The following PALM2AKAP2 variants were observed in gnomAD, a reference collection of about 807,000 sequenced individuals.
PALM2AKAP2 encodes the protein PALM2-AKAP2 fusion protein.
In PALM2AKAP2, 37 loss-of-function variants were observed where a neutral mutation model predicts 71.5. That is an observed-to-expected ratio of 0.52 (90% confidence interval 0.40 to 0.68). PALM2AKAP2 has a LOEUF of 0.68. PALM2AKAP2 is among the 30% of genes least tolerant of loss of function. The pLI is 0.00. For synonymous variants in PALM2AKAP2, 468 were observed against 478.8 expected, an observed-to-expected ratio of 0.98 and a Z score of 0.29; for missense variants, 1,224 against 1,191.8, an observed-to-expected ratio of 1.03 and a Z score of -0.40.
intron 7 of PALM2AKAP2, among the ~76,000 whole-genome samples, chr9:110,037,106 C>T (rs892580101): frequency 1.3e-5 from 2 of 151,284 alleles, no homozygotes; most frequent in Non-Finnish European, 2.9e-5. Flanking sequence ...TCTTCTCTTG[C>T]TTATTGTTTT....
chr9:109,934,209 C>T (rs1433521899), intron 6 of PALM2AKAP2, among the ~76,000 whole-genome samples: 1 of 152,128 alleles, frequency 6.6e-6, no homozygotes, highest in Non-Finnish European at 1.5e-5. Flanking sequence ...GTCCTCAAAC[C>T]CTGGTCACAC....
chr9:109,856,423 C>T lies in PALM2AKAP2; in HGVS notation c.46-11068C>T, dbSNP rs192049113. On this transcript the variant is annotated intron_variant, in intron 1 of 9. Coordinates refer to the PALM2AKAP2 transcript ENST00000302798. ...ATAGTAAAATCTCTAAGATACATCACGAAGTGAAGAAAGTAAGCTGAAGGG... is the reference window on the plus strand; with the variant it reads ...ATAGTAAAATCTCTAAGATACATCATGAAGTGAAGAAAGTAAGCTGAAGGG... Among the ~76,000 whole-genome samples, 220 of 152,242 alleles carry T rather than the reference C, an allele frequency of 1.4e-3. 1 individual carries two copies. The highest frequency in any genetic ancestry group is 6.0e-3 in the Admixed American group (91 of 15,286).
At chr9:109,826,244 T>C (rs1828147094) in intron 1 of PALM2AKAP2, among the ~76,000 whole-genome samples, 1 of 152,048 alleles carries the variant, frequency 6.6e-6, no homozygotes, top group African/African-American at 2.4e-5. Flanking sequence ...AGGGATAGCA[T>C]TAGGAGATAT....
chr9:109,718,305 C>T (rs1828358076), intron 1 of PALM2AKAP2, among the ~76,000 whole-genome samples: 1 of 152,144 alleles, frequency 6.6e-6, no homozygotes, highest in Non-Finnish European at 1.5e-5. Context: ...GTCTCCAACT[C>T]CTGAGCTCAA....
chr9:109,994,656 G>A (rs1021473386), intron 6 of PALM2AKAP2, among the ~76,000 whole-genome samples: 3 of 151,992 alleles, frequency 2.0e-5, no homozygotes, highest in Non-Finnish European at 4.4e-5. Flanking sequence ...CTACTCCCCC[G>A]TCCTGCATCA....
intron 3 of PALM2AKAP2, among the ~76,000 whole-genome samples, chr9:109,917,753 C>T (rs981668560): frequency 6.6e-6 from 1 of 152,166 alleles, no homozygotes; most frequent in Admixed American, 6.5e-5. Context: ...CTCAGTCTCC[C>T]AAAGTGCTGG....
At chr9:109,835,898 G>C (rs1828461266) in intron 1 of PALM2AKAP2, among the ~76,000 whole-genome samples, 1 of 152,196 alleles carries the variant, frequency 6.6e-6, no homozygotes, top group Non-Finnish European at 1.5e-5. Flanking sequence ...GAACTGGGTG[G>C]AGCCCACCGC....
At position 109,741,436 on chromosome 9, in the gene PALM2AKAP2, T is replaced by C. The variant is rs929524065; in HGVS notation, c.6-39052T>C. On this transcript the variant is annotated intron_variant, in intron 1 of 6. Transcript: ENST00000374531. The stretch of plus-strand genomic sequence containing the variant: ...CGTGAATATTCTTGAACAGGTCTTA[T>C]TGTGCATATACGTTTGCATTTCTCT... Among the ~76,000 whole-genome samples, 6 of 152,334 alleles carry C rather than the reference T, an allele frequency of 3.9e-5. No homozygotes were observed. The East Asian group carries it at 1.2e-3, about 29-fold the overall frequency.
exon 1 of PALM2AKAP2, chr9:109,640,841 A>T: frequency 6.6e-7 from 1 of 1,515,424 alleles, no homozygotes; most frequent in South Asian, 1.2e-5. Flanking sequence ...GCAGCAGCGC[A>T]CCCGGCCGCG....
At chr9:109,945,485 C>T (rs1177273937) in intron 6 of PALM2AKAP2, 2 of 152,156 alleles carry the variant, frequency 1.3e-5, no homozygotes, top group South Asian at 2.1e-4. Flanking sequence ...TTCCTGAGTA[C>T]GTGGTCACTG....
At chr9:109,805,485 A>G (rs1395465598) in intron 1 of PALM2AKAP2, among the ~76,000 whole-genome samples, 1 of 152,248 alleles carries the variant, frequency 6.6e-6, no homozygotes, top group African/African-American at 2.4e-5. Flanking sequence ...GCAGGATTTA[A>G]AAACCTGTGC....
At chr9:109,813,257 G>T (rs1827769347) in intron 1 of PALM2AKAP2, among the ~76,000 whole-genome samples, 1 of 152,184 alleles carries the variant, frequency 6.6e-6, no homozygotes, top group Non-Finnish European at 1.5e-5. Flanking sequence ...GGCTTGATTT[G>T]TCAAGAGCTG....
intron 3 of PALM2AKAP2, among the ~76,000 whole-genome samples, chr9:109,895,544 G>A (rs926459769): frequency 3.3e-5 from 5 of 152,090 alleles, no homozygotes; most frequent in East Asian, 3.9e-4. Flanking sequence ...TTTTTCATTC[G>A]GTAAGATCCA....
chr9:109,653,974 A>AT, intron 1 of PALM2AKAP2, among the ~76,000 whole-genome samples: 1 of 152,326 alleles, frequency 6.6e-6, no homozygotes, highest in East Asian at 1.9e-4. Flanking sequence ...CAAAGTCTCT[A>AT]TTTTTTGGGA....
chr9:109,855,147 A>T (rs1046357685), intron 1 of PALM2AKAP2, among the ~76,000 whole-genome samples: 1 of 151,936 alleles, frequency 6.6e-6, no homozygotes, highest in Non-Finnish European at 1.5e-5. Flanking sequence ...ATCTCAGCTC[A>T]CTGCAACCTC....
At chr9:109,923,255 C>T (rs768533871) in intron 3 of PALM2AKAP2, among the ~76,000 whole-genome samples, 5 of 152,192 alleles carry the variant, frequency 3.3e-5, no homozygotes, top group Non-Finnish European at 7.3e-5. Flanking sequence ...AGGGAGAGGA[C>T]ACCAGGCTCC....
intron 6 of PALM2AKAP2, among the ~76,000 whole-genome samples, chr9:110,002,695 G>T (rs1234307079): frequency 6.6e-6 from 1 of 152,086 alleles, no homozygotes; most frequent in Non-Finnish European, 1.5e-5. Flanking sequence ...ATTAATTATT[G>T]CCTCAATTTC....
At chr9:109,760,003 A>G (rs1297066277) in intron 1 of PALM2AKAP2, among the ~76,000 whole-genome samples, 1 of 152,174 alleles carries the variant, frequency 6.6e-6, no homozygotes, top group Non-Finnish European at 1.5e-5. Context: ...AAATGAAGAT[A>G]CAGAACATTT....
At chr9:109,814,377 C>A (rs1027510049) in intron 1 of PALM2AKAP2, among the ~76,000 whole-genome samples, 1 of 152,100 alleles carries the variant, frequency 6.6e-6, no homozygotes, top group Non-Finnish European at 1.5e-5. Flanking sequence ...AAGTACAGGG[C>A]GAGACATACT....
Sources: gnomAD v4.1 joint callset for allele counts (sites outside exome capture counted in the v4.1 genomes callset) on GRCh38, gnomAD v4.1.1 for gene constraint, MANE v1.5 for transcripts, NCBI Gene and HGNC (gene_info 2026-07-23, HGNC 2026-07-21) for gene names.